Variants in MAGEB3 observed in about 807,000 individuals in gnomAD.
MAGEB3 encodes MAGE family member B3.
For missense variants in MAGEB3, 191 were observed against 262.4 expected, an observed-to-expected ratio of 0.73 and a Z score of 1.88; for synonymous variants, 91 against 93.0, an observed-to-expected ratio of 0.98 and a Z score of 0.12.
rs1244930755 is a variant in MAGEB3, at chrX:30,233,342, G to C, written c.-83G>C. 1 of 87,902 alleles carries C rather than the reference G, an allele frequency of 1.1e-5. No individual in the cohort carries two copies. Among genetic ancestry groups the C allele is most frequent in the East Asian group, 3.6e-4 (1 of 2,804 alleles). 7.2% of individuals were successfully genotyped at this position (87,902 alleles called of 1,213,427 possible). A position where few individuals can be genotyped will look rare whatever the true frequency, so the allele number is the denominator to read the frequency against. On this transcript the variant is annotated 5_prime_UTR_variant, in exon 4 of 5. Coordinates refer to ENST00000361644, the MANE Select transcript of MAGEB3 (RefSeq NM_002365.5). ...TCATCGCTTAAGCACAGGAGTTCGA[G>C]GACTGGGAGGTGGAGGTTGTGGTAA...
chrX:30,232,301 C>T (rs1924822681), intron 2 of MAGEB3, among the ~76,000 whole-genome samples: 1 of 111,727 alleles, frequency 9.0e-6, no homozygotes, highest in African/African-American at 3.3e-5. Flanking sequence ...CTTCAGAGGT[C>T]TCTTGGCCCT....
intron 4 of MAGEB3, 71 bp from the exon 5 acceptor site, chrX:30,235,793 C>A: frequency 2.0e-6 from 1 of 493,028 alleles, no homozygotes; most frequent in Non-Finnish European, 3.4e-6. Context: ...CAGAGGCGAC[C>A]TTCTTTTAAA....
At chrX:30,234,999 C>T (rs2239434) in intron 4 of MAGEB3, among the ~76,000 whole-genome samples, 46,557 of 110,187 alleles carry the variant, frequency 0.42, 7,187 homozygotes, top group South Asian at 0.55. Flanking sequence ...TCCAGGAAGC[C>T]TTGGAATAAC....
chrX:30,235,246 C>T (rs1325489614), intron 4 of MAGEB3, among the ~76,000 whole-genome samples: 4 of 111,767 alleles, frequency 3.6e-5, no homozygotes, highest in African/African-American at 1.3e-4. Context: ...GTGAACTCAC[C>T]TTCTTTTAAT....
chrX:30,237,040 T>TCCCTCCAGTAAC lies in MAGEB3; in HGVS notation c.*75_*76insCCCTCCAGTAAC. The TCCCTCCAGTAAC allele has an allele frequency of 4.1e-6, 3 of 740,213 alleles. No individual in the cohort carries two copies. Among genetic ancestry groups the TCCCTCCAGTAAC allele is most frequent in the African/African-American group, 2.1e-5 (1 of 47,240 alleles). 61.0% of individuals were successfully genotyped at this position (740,213 alleles called of 1,213,427 possible). A position where few individuals can be genotyped will look rare whatever the true frequency, so the allele number is the denominator to read the frequency against. On this transcript the variant is annotated 3_prime_UTR_variant, in exon 5 of 5. Coordinates refer to ENST00000361644, the MANE Select transcript of MAGEB3 (RefSeq NM_002365.5). Reference sequence around the variant, plus strand: ...TTCCAAGGAGTGAAGGACTGGGTGTTACTGGAGGGAACACACTGTATAATA... The same window carrying TCCCTCCAGTAAC: ...TTCCAAGGAGTGAAGGACTGGGTGTTCCCTCCAGTAACACTGGAGGGAACACACTGTATAATA...
In MAGEB3 at chrX:30,233,243, T is replaced by TTTC; in HGVS notation, c.-163-17_-163-16insCTT. On this transcript the variant is annotated intron_variant, in intron 3 of 4. Coordinates refer to ENST00000361644, the MANE Select transcript of MAGEB3 (RefSeq NM_002365.5). The stretch of plus-strand genomic sequence containing the variant: ...AAATAAATAAATAGATATAAACTTT[T>TTTC]TTTTTTTTTAATTTTAAGGCAGGGC... 9.8e-6 allele frequency: 1 copy of TTTC among 102,547 alleles called. No homozygotes were observed. Among genetic ancestry groups the TTTC allele is most frequent in the East Asian group, 3.1e-4 (1 of 3,272 alleles). The allele number at this position is 102,547 out of a possible 1,213,427, so 8.5% of individuals were successfully genotyped here.
Position 30,232,914 on chromosome X carries a change from G to C in MAGEB3, c.-166G>C, listed in dbSNP as rs2147336785. 1 of 108,840 alleles carries C rather than the reference G, an allele frequency of 9.2e-6. No homozygotes were observed. Among genetic ancestry groups the C allele is most frequent in the East Asian group, 3.0e-4 (1 of 3,358 alleles). The allele number at this position is 108,840 out of a possible 1,213,427, so 9.0% of individuals were successfully genotyped here. A position where few individuals can be genotyped will look rare whatever the true frequency, so the allele number is the denominator to read the frequency against. ...TTAAGCACAGGAGTTCGCGGACTGG[G>C]AGGTGAGCTGCCCCTGTAGTCCCAG... is the stretch of plus-strand genomic sequence containing the variant. On this transcript the variant is annotated splice_region_variant and 5_prime_UTR_variant, in exon 3 of 5. Transcript: ENST00000361644.
intron 1 of MAGEB3, among the ~76,000 whole-genome samples, chrX:30,231,080 G>T (rs952879925): frequency 9.2e-6 from 1 of 108,316 alleles, no homozygotes; most frequent in Non-Finnish European, 1.9e-5. Flanking sequence ...CTGGGAGGCC[G>T]AGGCGAGTGA....
At chrX:30,233,816 C>T (rs1225370015) in intron 4 of MAGEB3, among the ~76,000 whole-genome samples, 2 of 111,980 alleles carry the variant, frequency 1.8e-5, no homozygotes, top group Non-Finnish European at 3.8e-5. Context: ...GGGACCCACA[C>T]GTCTCACCCT....
rs867015523 is a variant in MAGEB3, at chrX:30,236,629, G to A, written c.705G>A (p.Gly235=). The change falls in exon 5 of 5, where the codon GGG becomes GGA. Residue 235 remains glycine (G), a synonymous_variant. Transcript: ENST00000361644. ...EFLNKMRIYD[G]KKHFIFGEPR... is the part of the protein sequence containing the mutation. ...TGAATAAGATGAGAATATATGATGG[G>A]AAGAAACACTTCATATTTGGGGAGC... 8.3e-7 allele frequency: 1 copy of A among 1,211,486 alleles called. No homozygotes were observed. Among genetic ancestry groups the A allele is most frequent in the East Asian group, 3.0e-5 (1 of 33,841 alleles).
intron 2 of MAGEB3, among the ~76,000 whole-genome samples, 152 bp from the exon 3 acceptor site, chrX:30,232,675 A>C (rs923891032): frequency 1.6e-4 from 17 of 107,701 alleles, no homozygotes; most frequent in African/African-American, 5.8e-4. Flanking sequence ...CGGGAGGCGG[A>C]GGCAGGAGAA....
Position 30,236,577 on chromosome X carries a change from C to T in MAGEB3, c.653C>T (p.Ala218Val), listed in dbSNP as rs145982241. Residue 218 changes from alanine to valine, a missense_variant, in exon 5 of 5, where the codon GCC becomes GTC. Transcript: ENST00000361644. ...LGVIFMKGNC[A>V]TEEKIWEFLN... The stretch of plus-strand genomic sequence containing the variant: ...GTGATCTTCATGAAGGGCAACTGTG[C>T]CACTGAGGAGAAGATCTGGGAATTC... The T allele has an allele frequency of 1.2e-4, 144 of 1,209,843 alleles. 1 individual carries two copies. The highest frequency in any genetic ancestry group is 1.6e-4 in the Non-Finnish European group (139 of 894,860).
Position 30,236,117 on chromosome X carries a change from C to T in MAGEB3, c.193C>T (p.Pro65Ser), listed in dbSNP as rs747172967. 8.3e-7 allele frequency: 1 copy of T among 1,206,922 alleles called. No individual in the cohort carries two copies. The highest frequency in any genetic ancestry group is 1.1e-6 in the Non-Finnish European group (1 of 892,342). Residue 65 changes from proline (P) to serine (S), a missense_variant, in exon 5 of 5, where the codon CCT (proline) becomes TCT (serine). By Grantham distance (74) the Pro-to-Ser change is moderately conservative (BLOSUM62 -1). Transcript: ENST00000361644. ...AGRSRSALKK[P>S]QRALSTTTSV... ...TAGGTCACGTAGTGCTCTCAAGAAG[C>T]CTCAGAGAGCACTATCCACCACTAC...
Position 30,236,099 on chromosome X carries a change from C to T in MAGEB3, c.175C>T (p.Arg59Cys), listed in dbSNP as rs758651543. Residue 59 changes from arginine (R) to cysteine (C), a missense_variant, in exon 5 of 5, where the codon CGT becomes TGT. Arg to Cys is a radical substitution (Grantham distance 180, BLOSUM62 -3). Coordinates refer to ENST00000361644, the MANE Select transcript of MAGEB3 (RefSeq NM_002365.5). ...TIQKKSAGRS[R>C]SALKKPQRAL... is the part of the protein sequence containing the mutation. ...CCAGAAAAAGTCTGCTGGTAGGTCA[C>T]GTAGTGCTCTCAAGAAGCCTCAGAG... 9 of 1,208,010 alleles carry T rather than the reference C, an allele frequency of 7.5e-6. No homozygotes were observed. The highest frequency in any genetic ancestry group is 7.0e-5 in the African/African-American group (4 of 57,045).
chrX:30,233,579 T>TCC (rs1203281235), intron 4 of MAGEB3, among the ~76,000 whole-genome samples: 2 of 106,002 alleles, frequency 1.9e-5, no homozygotes, highest in Admixed American at 2.0e-4. Flanking sequence ...TGCCTAGACT[T>TCC]CCCCTCTAGG....
At position 30,236,882 on chromosome X, in the gene MAGEB3, G is replaced by A; in HGVS notation, c.958G>A (p.Ala320Thr). Residue 320 changes from alanine (A) to threonine (T), a missense_variant, in exon 5 of 5, where the codon GCT (alanine) becomes ACT (threonine). Ala to Thr is a moderately conservative substitution (Grantham distance 58). Coordinates refer to ENST00000361644, the MANE Select transcript of MAGEB3 (RefSeq NM_002365.5). ...GAGAGATGAGGAAGAAAGAGTCCAAGCTGCAGCTATGCTCAATGATGGCAG... is the reference window on the plus strand; with the variant it reads ...GAGAGATGAGGAAGAAAGAGTCCAAACTGCAGCTATGCTCAATGATGGCAG... ...ALRDEEERVQAAAMLNDGSSA... is the reference protein window; with the variant it reads ...ALRDEEERVQTAAMLNDGSSA... 1.7e-6 allele frequency: 2 copies of A among 1,211,650 alleles called. No homozygotes were observed. The highest frequency in any genetic ancestry group is 2.2e-6 in the Non-Finnish European group (2 of 895,310).
Position 30,237,030 on chromosome X carries a change from G to A in MAGEB3, c.*65G>A. On this transcript the variant is annotated 3_prime_UTR_variant, in exon 5 of 5. Coordinates refer to ENST00000361644, the MANE Select transcript of MAGEB3 (RefSeq NM_002365.5). ...GCAGTCACTGTTCCAAGGAGTGAAGGACTGGGTGTTACTGGAGGGAACACA... is the reference window on the plus strand; with the variant it reads ...GCAGTCACTGTTCCAAGGAGTGAAGAACTGGGTGTTACTGGAGGGAACACA... 2 of 841,388 alleles carry A rather than the reference G, an allele frequency of 2.4e-6. No individual in the cohort carries two copies. The highest frequency in any genetic ancestry group is 3.4e-6 in the Non-Finnish European group (2 of 594,996). 69.3% of individuals were successfully genotyped at this position (841,388 alleles called of 1,213,427 possible).
chrX:30,234,451 C>T (rs1006114444), intron 4 of MAGEB3, among the ~76,000 whole-genome samples: 36 of 110,739 alleles, frequency 3.3e-4, no homozygotes, highest in African/African-American at 9.6e-4. Context: ...GGGATCTCTT[C>T]GGCAGAGGGT....
Position 30,236,181 on chromosome X carries a change from C to G in MAGEB3, c.257C>G (p.Ala86Gly). 8.3e-7 allele frequency: 1 copy of G among 1,210,010 alleles called. No individual in the cohort carries two copies. The highest frequency in any genetic ancestry group is 1.1e-6 in the Non-Finnish European group (1 of 894,612). ...TCTTACAAAAAGTCATACAAGGGAG[C>G]CAACAGCAAAATTGAGAAAAAGCAA... ...DVSYKKSYKGANSKIEKKQSF... is the reference protein window; with the variant it reads ...DVSYKKSYKGGNSKIEKKQSF... Residue 86 changes from alanine (A) to glycine (G), a missense_variant, in exon 5 of 5, where the codon GCC becomes GGC. Physicochemically the swap from Ala to Gly is moderately conservative, Grantham distance 60. Transcript: ENST00000361644.
Sources: allele counts gnomAD v4.1 joint callset (sites outside exome capture counted in the v4.1 genomes callset), GRCh38; gene constraint gnomAD v4.1.1; transcripts MANE v1.5; gene names NCBI Gene and HGNC (gene_info 2026-07-23, HGNC 2026-07-21).